Variants in CAMK1D observed in about 807,000 individuals in gnomAD.
CAMK1D encodes calcium/calmodulin dependent protein kinase ID, also known as calcium/calmodulin-dependent protein kinase type 1D.
CAMK1D carries 9 observed loss-of-function variants against 47.7 expected under a neutral mutation model. That is an observed-to-expected ratio of 0.19 (90% CI 0.11 to 0.33). CAMK1D has a LOEUF of 0.33. Ranked by LOEUF, CAMK1D falls within the 10% of genes least tolerant of loss-of-function variation. CAMK1D has a pLI of 1.00. For missense variants in CAMK1D, 291 were observed against 488.7 expected, an observed-to-expected ratio of 0.60 and a Z score of 3.81; for synonymous variants, 184 against 184.9, an observed-to-expected ratio of 0.99 and a Z score of 0.04.
chr10:12,648,449 C>T (rs1839871216), intron 2 of CAMK1D, among the ~76,000 whole-genome samples: 1 of 152,086 alleles, frequency 6.6e-6, no homozygotes, highest in Non-Finnish European at 1.5e-5. Flanking sequence ...CAGTGTCTTT[C>T]GCTTGCTATT....
intron 3 of CAMK1D, among the ~76,000 whole-genome samples, chr10:12,721,521 CATCCATCCATCCATCCATCCATCT>C: frequency 6.6e-6 from 1 of 152,036 alleles, no homozygotes; most frequent in African/African-American, 2.4e-5. Context: ...ACCATCCATC[CATCCATCCATCCATCCATCCATCT>C]ATCCATCCAT....
intron 2 of CAMK1D, among the ~76,000 whole-genome samples, chr10:12,629,214 G>A (rs940828243): frequency 3.9e-5 from 6 of 152,198 alleles, no homozygotes; most frequent in African/African-American, 1.4e-4. Context: ...AATCTTCTTA[G>A]AGAGCAAACC....
At chr10:12,390,082 G>A (rs1284393820) in intron 1 of CAMK1D, among the ~76,000 whole-genome samples, 1 of 152,106 alleles carries the variant, frequency 6.6e-6, no homozygotes, top group South Asian at 2.1e-4. Flanking sequence ...AACTGTTCTG[G>A]AGGAATGAAT....
rs556034167 is a variant in CAMK1D, at chr10:12,727,954, C to T, written c.300-32994C>T. On this transcript the variant is annotated intron_variant, in intron 3 of 10. Transcript: ENST00000619168. ...CTGATTTTTGTATTTTTAGTAGAGA[C>T]GGGATTTCACCATGCTGGCCGGGCT... Among the ~76,000 whole-genome samples the T allele has an allele frequency of 3.9e-5, 6 of 152,158 alleles. No homozygotes were observed. In the South Asian group the frequency reaches 8.3e-4, roughly 21 times the overall value.
intron 1 of CAMK1D, among the ~76,000 whole-genome samples, chr10:12,520,755 A>C (rs1328917919): frequency 2.6e-5 from 1 of 38,944 alleles, no homozygotes; most frequent in African/African-American, 1.0e-4. Context: ...AGCAAAACCC[A>C]GTCTCCACCA....
intron 1 of CAMK1D, among the ~76,000 whole-genome samples, chr10:12,541,051 A>G (rs1044499918): frequency 2.0e-5 from 3 of 152,010 alleles, no homozygotes; most frequent in African/African-American, 7.3e-5. Context: ...ATGAATAGAC[A>G]TTGTATCTAA....
intron 3 of CAMK1D, among the ~76,000 whole-genome samples, chr10:12,728,465 G>C (rs780734377): frequency 6.6e-6 from 1 of 152,222 alleles, no homozygotes; most frequent in African/African-American, 2.4e-5. Context: ...AAAGTAACCC[G>C]TTATTGTGCA....
chr10:12,356,721 C>CAAA (rs71384311), intron 1 of CAMK1D, among the ~76,000 whole-genome samples: 2 of 74,958 alleles, frequency 2.7e-5, no homozygotes, highest in African/African-American at 5.2e-5. Flanking sequence ...GACTCCATTT[C>CAAA]AAAAAAAAAA....
chr10:12,758,510 A>T (rs562602006), intron 3 of CAMK1D, among the ~76,000 whole-genome samples: 1 of 152,318 alleles, frequency 6.6e-6, no homozygotes, highest in South Asian at 2.1e-4. Flanking sequence ...AAATGTAAGA[A>T]GCAGAATATT....
intron 1 of CAMK1D, among the ~76,000 whole-genome samples, chr10:12,531,748 C>T (rs2768464): frequency 0.62 from 93,724 of 152,062 alleles, 28,968 homozygotes; most frequent in South Asian, 0.73. Flanking sequence ...TGACATCGCC[C>T]GGCCTGTCTC....
chr10:12,774,460 G>A (rs1837185330), intron 5 of CAMK1D, among the ~76,000 whole-genome samples: 1 of 152,090 alleles, frequency 6.6e-6, no homozygotes, highest in South Asian at 2.1e-4. Context: ...GAGAGGAATA[G>A]GAGAGACAGT....
intron 7 of CAMK1D, among the ~76,000 whole-genome samples, chr10:12,815,730 T>C (rs1832767068): frequency 6.6e-6 from 1 of 152,278 alleles, no homozygotes; most frequent in Non-Finnish European, 1.5e-5. Context: ...CACAGCTCAC[T>C]GCATTGCAGT....
chr10:12,372,704 C>G (rs1838040225), intron 1 of CAMK1D, among the ~76,000 whole-genome samples: 1 of 152,222 alleles, frequency 6.6e-6, no homozygotes, highest in Non-Finnish European at 1.5e-5. Context: ...TCACGGCTCA[C>G]TGCAGCCTCG....
At chr10:12,792,949 CAT>C (rs1459327824) in intron 6 of CAMK1D, among the ~76,000 whole-genome samples, 1 of 127,164 alleles carries the variant, frequency 7.9e-6, no homozygotes, top group African/African-American at 3.5e-5. Context: ...AATAAAATCA[CAT>C]GTGTGCGCGC....
chr10:12,518,547 C>T (rs1424277335), intron 1 of CAMK1D, among the ~76,000 whole-genome samples: 3 of 34,904 alleles, frequency 8.6e-5, no homozygotes, highest in African/African-American at 2.0e-4. Context: ...GGGGATTTGG[C>T]AGGGTCACAG....
At position 12,828,797 on chromosome 10, in the gene CAMK1D, C is replaced by G. The variant is rs867692056; in HGVS notation, c.1068C>G (p.Phe356Leu). The G allele has an allele frequency of 6.2e-7, 1 of 1,613,804 alleles. No individual in the cohort carries two copies. Residue 356 changes from phenylalanine (F) to leucine (L), a missense_variant, in exon 11 of 11, where the codon TTC becomes TTG. By Grantham distance (22) the Phe-to-Leu change is conservative. Transcript: ENST00000619168. The stretch of plus-strand genomic sequence containing the variant: ...TGGCACCTTCCACGCTCTGTAGTTT[C>G]ATTTCTTCTTCGTCGGGGGTCTCAG... ...DCLAPSTLCSFISSSSGVSGV... is the reference protein window; with the variant it reads ...DCLAPSTLCSLISSSSGVSGV...
intron 1 of CAMK1D, among the ~76,000 whole-genome samples, chr10:12,378,093 G>C (rs1838234654): frequency 6.6e-6 from 1 of 152,226 alleles, no homozygotes; most frequent in African/African-American, 2.4e-5. Flanking sequence ...CTGGAGTCCA[G>C]TATGACCTCT....
intron 2 of CAMK1D, among the ~76,000 whole-genome samples, chr10:12,658,166 G>A (rs1002646147): frequency 2.0e-5 from 3 of 152,086 alleles, no homozygotes; most frequent in Non-Finnish European, 4.4e-5. Flanking sequence ...CAAAGAACTG[G>A]GGTGACCCAG....
intron 1 of CAMK1D, among the ~76,000 whole-genome samples, chr10:12,378,971 G>T (rs985722272): frequency 1.3e-5 from 2 of 151,868 alleles, no homozygotes; most frequent in East Asian, 3.9e-4. Flanking sequence ...CAGCATGCCC[G>T]GCTAATTTTT....
Sources: allele counts gnomAD v4.1 joint callset (sites outside exome capture counted in the v4.1 genomes callset), GRCh38; gene constraint gnomAD v4.1.1; transcripts MANE v1.5; gene names NCBI Gene and HGNC (gene_info 2026-07-23, HGNC 2026-07-21).